The following DOCK7 variants were observed in gnomAD, a reference collection of about 807,000 sequenced individuals.
DOCK7 encodes the protein dedicator of cytokinesis 7, also known as dedicator of cytokinesis protein 7.
A neutral mutation model predicts 271.0 loss-of-function variants in DOCK7; 138 were observed. That is an observed-to-expected ratio of 0.51 (90% CI 0.44 to 0.59). DOCK7 has a LOEUF of 0.59. Ranked by LOEUF, DOCK7 falls within the 20% of genes least tolerant of loss-of-function variation. DOCK7 has a pLI of 0.00. For missense variants in DOCK7, 2,066 were observed against 2,592.4 expected (o/e 0.80, Z 4.41); for synonymous variants, 823 against 876.1 (o/e 0.94, Z 1.07).
chr1:62,636,738 T>A, intron 7 of DOCK7, 135 bp from the exon 8 acceptor site: 3 of 659,274 alleles, frequency 4.6e-6, no homozygotes, highest in South Asian at 2.1e-5. Flanking sequence ...TATTAAAACT[T>A]CTTCTTGAAA....
intron 48 of DOCK7, among the ~76,000 whole-genome samples, chr1:62,472,156 T>G (rs977946631): frequency 6.6e-6 from 1 of 152,152 alleles, no homozygotes; most frequent in African/African-American, 2.4e-5. Flanking sequence ...CAGGCTGGAG[T>G]GCAGTGGCAT....
In DOCK7 at chr1:62,455,412, G is replaced by A. The variant is rs1377534539; in HGVS notation, c.*2C>T. The A allele has an allele frequency of 6.8e-6, 11 of 1,613,394 alleles. No homozygotes were observed. The highest frequency in any genetic ancestry group is 1.3e-5 in the African/African-American group (1 of 74,912). On this transcript the variant is annotated 3_prime_UTR_variant, in exon 50 of 50. Transcript: ENST00000635253. ...CAGATGAATAAAACAAGTGCATTCA[G>A]TTTAGAGATCCATTTTGCGAAGGCT...
chr1:62,580,900 T>C (rs1056945238), intron 16 of DOCK7, among the ~76,000 whole-genome samples: 2 of 152,208 alleles, frequency 1.3e-5, no homozygotes, highest in African/African-American at 2.4e-5. Context: ...GAAAATAATA[T>C]GAAATTCAAA....
chr1:62,583,731 C>T (rs1303129926), intron 15 of DOCK7, among the ~76,000 whole-genome samples: 1 of 152,042 alleles, frequency 6.6e-6, no homozygotes, highest in East Asian at 1.9e-4. Flanking sequence ...GTATCCTTTG[C>T]TTCTAATATT....
chr1:62,575,693 A>G (rs1646923318), intron 18 of DOCK7, among the ~76,000 whole-genome samples: 1 of 152,106 alleles, frequency 6.6e-6, no homozygotes, highest in Non-Finnish European at 1.5e-5. Context: ...ACTGTTTACA[A>G]AAGTTTTGGC....
At chr1:62,594,337 T>C (rs1648901820) in intron 14 of DOCK7, among the ~76,000 whole-genome samples, 2 of 146,680 alleles carry the variant, frequency 1.4e-5, no homozygotes, top group African/African-American at 5.3e-5. Flanking sequence ...TTACTTTAAT[T>C]ATAATCAATA....
intron 31 of DOCK7, among the ~76,000 whole-genome samples, chr1:62,523,590 T>C (rs1781194): frequency 0.98 from 148,723 of 152,326 alleles, 72,706 homozygotes; most frequent in Middle Eastern, 1. Flanking sequence ...CATTCTAGGC[T>C]GGGCACAGTG....
At chr1:62,538,147 A>G in intron 27 of DOCK7, 86 bp from the exon 28 acceptor site, 10 of 1,408,190 alleles carry the variant, frequency 7.1e-6, no homozygotes, top group Non-Finnish European at 9.6e-6. Context: ...TTAGAATTAA[A>G]GAGATAGTAC....
intron 43 of DOCK7, chr1:62,482,933 CTGA>C (rs1646171060): frequency 6.6e-6 from 1 of 152,120 alleles, no homozygotes; most frequent in Admixed American, 6.5e-5. Flanking sequence ...AAGGACATAT[CTGA>C]CCATTTTATG....
At chr1:62,479,688 T>C (rs977363636) in intron 43 of DOCK7, 7 of 351,172 alleles carry the variant, frequency 2.0e-5, no homozygotes, top group Middle Eastern at 6.3e-4. Flanking sequence ...TTATTTTTAG[T>C]TTTTAGTTTT....
intron 18 of DOCK7, among the ~76,000 whole-genome samples, chr1:62,571,438 T>A (rs937172714): frequency 6.6e-6 from 1 of 152,150 alleles, no homozygotes; most frequent in Non-Finnish European, 1.5e-5. Context: ...ATAGGAACAC[T>A]TTTACACTGT....
chr1:62,545,217 T>G (rs963966172), intron 22 of DOCK7, among the ~76,000 whole-genome samples, 178 bp from the exon 23 acceptor site: 3 of 152,188 alleles, frequency 2.0e-5, no homozygotes, highest in Non-Finnish European at 2.9e-5. Context: ...TATCTTATTA[T>G]ATAACACAAT....
chr1:62,597,777 A>G, intron 14 of DOCK7: 1 of 1,613,592 alleles, frequency 6.2e-7, no homozygotes, highest in Non-Finnish European at 8.5e-7. Flanking sequence ...AATTAATGAC[A>G]TATTTCAAAA....
Position 62,605,695 on chromosome 1 carries a change from T to C in DOCK7, c.1682+13011A>G, listed in dbSNP as rs554751002. 9.8e-5 allele frequency: 15 copies of C among 152,524 alleles called. No individual in the cohort carries two copies. In the South Asian group the frequency reaches 2.9e-3, roughly 29 times the overall value. The allele number at this position is 152,524 out of a possible 1,614,324, so 9.4% of individuals were successfully genotyped here. Reference sequence around the variant, plus strand: ...ATTCGTGTAGGTTTTCAAGTAGAAATAAACCTCGTAACAAGTTACTGAACG... The same window carrying C: ...ATTCGTGTAGGTTTTCAAGTAGAAACAAACCTCGTAACAAGTTACTGAACG... On this transcript the variant is annotated intron_variant, in intron 14 of 49. Transcript: ENST00000635253.
chr1:62,500,988 C>G (rs1337994594), intron 37 of DOCK7, among the ~76,000 whole-genome samples: 1 of 150,980 alleles, frequency 6.6e-6, no homozygotes, highest in African/African-American at 2.4e-5. Context: ...AGTGAAGTAC[C>G]ATCATGCCAC....
rs71045850 is a variant in DOCK7 at position 62,651,449 on chromosome 1, TAA to T, written c.389+2274_389+2275del. 9.0e-3 allele frequency among the ~76,000 whole-genome samples: 1,170 copies of T among 130,014 alleles called. 12 individuals are homozygous for T. The highest frequency in any genetic ancestry group is 0.027 in the African/African-American group (933 of 35,030). 85.3% of individuals were successfully genotyped at this position (130,014 alleles called of 152,430 possible). A position where few individuals can be genotyped will look rare whatever the true frequency, so the allele number is the denominator to read the frequency against. On this transcript the variant is annotated intron_variant, in intron 4 of 49. Coordinates refer to ENST00000635253, the MANE Select transcript of DOCK7 (RefSeq NM_001367561.1). ...ATGTACCCTAGAACTTAAAGTATAATAAAAAAAAAAAAAAGAAAAAAAAGAAA... is the reference window on the plus strand; with the variant it reads ...ATGTACCCTAGAACTTAAAGTATAATAAAAAAAAAAAAGAAAAAAAAGAAA...
intron 2 of DOCK7, among the ~76,000 whole-genome samples, chr1:62,659,069 T>C (rs1057281981): frequency 7.9e-5 from 12 of 152,056 alleles, no homozygotes; most frequent in Non-Finnish European, 1.5e-4. Flanking sequence ...AGAAATTCCT[T>C]AAACCAAAAG....
intron 4 of DOCK7, among the ~76,000 whole-genome samples, chr1:62,653,462 A>C (rs1657616832): frequency 6.6e-6 from 1 of 152,170 alleles, no homozygotes; most frequent in South Asian, 2.1e-4. Context: ...TAGACCACAA[A>C]ATCATTATCA....
intron 15 of DOCK7, among the ~76,000 whole-genome samples, chr1:62,583,552 A>C (rs1220430247): frequency 6.6e-6 from 1 of 152,222 alleles, no homozygotes; most frequent in Non-Finnish European, 1.5e-5. Flanking sequence ...TGAAGAATTC[A>C]CTTTTAAATC....
Sources: allele counts gnomAD v4.1 joint callset (sites outside exome capture counted in the v4.1 genomes callset), GRCh38; gene constraint gnomAD v4.1.1; transcripts MANE v1.5; gene names NCBI Gene and HGNC (gene_info 2026-07-23, HGNC 2026-07-21).